Variants in STX2 observed in about 807,000 individuals in gnomAD.
The protein encoded by STX2 is syntaxin 2, also known as syntaxin-2.
STX2 carries 27 observed loss-of-function variants against 40.6 expected under a neutral mutation model. The ratio of observed to expected loss-of-function variants is 0.66; its 90% CI spans 0.49 to 0.92. The LOEUF (loss-of-function observed/expected upper bound fraction) is 0.92. STX2 is among the 40% of genes least tolerant of loss of function. The pLI, the probability that STX2 is intolerant of heterozygous loss-of-function variation, is 0.00. For synonymous variants in STX2, 123 were observed against 119.1 expected (o/e 1.03, Z -0.22); for missense variants, 328 against 366.1 (o/e 0.90, Z 0.85).
chr12:130,800,721 C>T (rs1164249468), intron 8 of STX2, among the ~76,000 whole-genome samples: 2 of 152,350 alleles, frequency 1.3e-5, no homozygotes, highest in East Asian at 3.9e-4. Flanking sequence ...TTGATATACG[C>T]CTTTCCTTCT....
intron 4 of STX2, among the ~76,000 whole-genome samples, chr12:130,811,295 T>C (rs1461484499): frequency 2.1e-5 from 3 of 146,142 alleles, no homozygotes; most frequent in African/African-American, 7.5e-5. Flanking sequence ...GAGGTGGAGG[T>C]TGCAGTGAGC....
chr12:130,837,097 G>A (rs925455531), intron 1 of STX2, among the ~76,000 whole-genome samples: 1 of 149,170 alleles, frequency 6.7e-6, no homozygotes, highest in Non-Finnish European at 1.5e-5. Context: ...CACGTTCAAT[G>A]ACATTGAGCT....
intron 1 of STX2, among the ~76,000 whole-genome samples, chr12:130,834,768 T>A: frequency 6.6e-6 from 1 of 152,302 alleles, no homozygotes; most frequent in South Asian, 2.1e-4. Flanking sequence ...TTTGGCAGGA[T>A]TGCATAAGTT....
chr12:130,827,080 G>C, intron 2 of STX2, 113 bp downstream of exon 2: 1 of 546,694 alleles, frequency 1.8e-6, no homozygotes, highest in South Asian at 2.0e-5. Flanking sequence ...GGAGGGAGGG[G>C]TGGGGAGGGG....
At chr12:130,801,314 T>C (rs1951217802) in intron 7 of STX2, 24 bp from the exon 8 acceptor site, 2 of 1,603,514 alleles carry the variant, frequency 1.2e-6, no homozygotes, top group Non-Finnish European at 1.7e-6. Flanking sequence ...AAATAAAAGA[T>C]AATATTAATA....
At chr12:130,797,521 G>A (rs1040236526) in intron 9 of STX2, among the ~76,000 whole-genome samples, 1 of 152,192 alleles carries the variant, frequency 6.6e-6, no homozygotes, top group Non-Finnish European at 1.5e-5. Context: ...TGCCCTGGCG[G>A]CTGAGCCTGC....
rs572307253 is a variant in STX2 at position 130,807,058 on chromosome 12, G to A, written c.387C>T (p.Ala129=). 7 of 1,614,100 alleles carry A rather than the reference G, an allele frequency of 4.3e-6. No homozygotes were observed. The highest frequency in any genetic ancestry group is 5.9e-6 in the Non-Finnish European group (7 of 1,180,050). Residue 129 remains alanine (A), a synonymous_variant, in exon 6 of 11, where the codon GCC becomes GCT. Transcript: ENST00000392373. ...HSVLSRKFVE[A]MAEYNEAQTL... is the part of the protein sequence containing the mutation. ...TCTGTGCCTCATTGTACTCCGCCATGGCTTCCACAAACTTCCGAGACAGCA... is the reference window on the plus strand; with the variant it reads ...TCTGTGCCTCATTGTACTCCGCCATAGCTTCCACAAACTTCCGAGACAGCA...
At chr12:130,803,930 C>G (rs1049943874) in intron 6 of STX2, among the ~76,000 whole-genome samples, 14 of 152,330 alleles carry the variant, frequency 9.2e-5, no homozygotes, top group African/African-American at 3.4e-4. Flanking sequence ...ATAATCTTAA[C>G]TCCTCCCCCT....
chr12:130,791,813 G>A lies in STX2; in HGVS notation c.*210C>T. On this transcript the variant is annotated 3_prime_UTR_variant, in exon 11 of 11. Transcript: ENST00000392373. ...CACTCGATGCCGGGTTACAGCGTCT[G>A]AGATTCATTCACGAAATGACAGGAT... 2 of 1,191,772 alleles carry A rather than the reference G, an allele frequency of 1.7e-6. No homozygotes were observed. Among genetic ancestry groups the A allele is most frequent in the Non-Finnish European group, 2.5e-6 (2 of 802,598 alleles). 73.8% of individuals were successfully genotyped at this position (1,191,772 alleles called of 1,614,324 possible).
At chr12:130,811,309 G>C (rs1380421990) in intron 4 of STX2, among the ~76,000 whole-genome samples, 1 of 138,774 alleles carries the variant, frequency 7.2e-6, no homozygotes, top group Non-Finnish European at 1.5e-5. Flanking sequence ...AGTGAGCCGA[G>C]ATTGTGCCAC....
intron 2 of STX2, among the ~76,000 whole-genome samples, chr12:130,822,445 A>G (rs894999457): frequency 1.3e-5 from 2 of 152,064 alleles, no homozygotes; most frequent in African/African-American, 4.8e-5. Context: ...AATAATAATA[A>G]TACTCTTATG....
chr12:130,827,361 T>A, intron 1 of STX2, 94 bp from the exon 2 acceptor site: 1 of 931,088 alleles, frequency 1.1e-6, no homozygotes, highest in Non-Finnish European at 1.7e-6. Flanking sequence ...ACCCACAAGA[T>A]CTCAACTCAC....
chr12:130,813,860 T>G (rs1951751909), intron 3 of STX2, among the ~76,000 whole-genome samples: 1 of 152,242 alleles, frequency 6.6e-6, no homozygotes, highest in South Asian at 2.1e-4. Flanking sequence ...GCCCCGTCTC[T>G]GGAGTCCTGT....
At chr12:130,793,043 A>G (rs1331358144) in intron 10 of STX2, among the ~76,000 whole-genome samples, 2 of 152,214 alleles carry the variant, frequency 1.3e-5, no homozygotes, top group African/African-American at 4.8e-5. Flanking sequence ...GCAGAGATCC[A>G]TCATTTTAAT....
intron 9 of STX2, among the ~76,000 whole-genome samples, chr12:130,797,458 G>A (rs754256945): frequency 2.0e-5 from 3 of 152,178 alleles, no homozygotes; most frequent in Non-Finnish European, 2.9e-5. Flanking sequence ...CAGGAAAAGC[G>A]GAGGGTGTGC....
intron 10 of STX2, among the ~76,000 whole-genome samples, chr12:130,792,250 G>A (rs1950899060): frequency 6.6e-6 from 1 of 152,016 alleles, no homozygotes; most frequent in Non-Finnish European, 1.5e-5. Context: ...TAGTAGACAC[G>A]GGGTTTCAGC....
intron 3 of STX2, among the ~76,000 whole-genome samples, chr12:130,817,451 G>A (rs759590526): frequency 6.6e-6 from 1 of 152,108 alleles, no homozygotes; most frequent in Non-Finnish European, 1.5e-5. Flanking sequence ...CAAAAGAGGA[G>A]AGACAGAAAG....
In STX2 at chr12:130,833,329, T is replaced by TGGCTC. The variant is rs537268570; in HGVS notation, c.30+5736_30+5740dup. 3.1e-3 allele frequency among the ~76,000 whole-genome samples: 465 copies of TGGCTC among 151,182 alleles called. 2 individuals are homozygous for TGGCTC. Among genetic ancestry groups the TGGCTC allele is most frequent in the Non-Finnish European group, 3.8e-3 (260 of 67,852 alleles). The stretch of plus-strand genomic sequence containing the variant: ...GACACAAGGACAGGAAGGACCTCAG[T>TGGCTC]GGCTCGCTCCGTCCTAACTCCATCC... On this transcript the variant is annotated intron_variant, in intron 1 of 10. Coordinates refer to ENST00000392373, the MANE Select transcript of STX2 (RefSeq NM_194356.4).
intron 6 of STX2, 91 bp from the exon 7 acceptor site, chr12:130,801,579 A>C: frequency 7.5e-7 from 1 of 1,329,062 alleles, no homozygotes; most frequent in Non-Finnish European, 1.0e-6. Context: ...CTACAATCAT[A>C]GTTGTTAGCA....
Sources: gnomAD v4.1 joint callset for allele counts (sites outside exome capture counted in the v4.1 genomes callset) on GRCh38, gnomAD v4.1.1 for gene constraint, MANE v1.5 for transcripts, NCBI Gene and HGNC (gene_info 2026-07-23, HGNC 2026-07-21) for gene names.